TJP1: variants seen among roughly 807,000 people sequenced by gnomAD.
TJP1 encodes tight junction protein 1.
Under a neutral mutation model 194.2 loss-of-function variants are expected in TJP1, and 43 were observed. The observed-to-expected ratio is 0.22, with a 90% CI of 0.17 to 0.29. The LOEUF is 0.29. Among genes scored for constraint, TJP1 ranks in the 10% least tolerant of loss-of-function variants. The pLI, the probability that TJP1 is intolerant of heterozygous loss-of-function variation, is 1.00. For missense variants in TJP1, 1,971 were observed against 2,185.7 expected (o/e 0.90, Z 1.96); for synonymous variants, 801 against 779.0 (o/e 1.03, Z -0.47).
chr15:29,753,545 C>T (rs1057017309), intron 8 of TJP1, among the ~76,000 whole-genome samples: 5 of 130,190 alleles, frequency 3.8e-5, no homozygotes, highest in Admixed American at 1.6e-4. Flanking sequence ...ACACTGATAA[C>T]ATATATGTGA....
chr15:29,887,425 G>A (rs139695781), intron 2 of TJP1, among the ~76,000 whole-genome samples: 1,744 of 151,676 alleles, frequency 0.011, 27 homozygotes, highest in African/African-American at 0.04. Context: ...TCAGCCTCCC[G>A]AATAGCTGGG....
At chr15:29,915,178 G>A (rs1198337772) in intron 2 of TJP1, among the ~76,000 whole-genome samples, 3 of 152,154 alleles carry the variant, frequency 2.0e-5, no homozygotes, top group Non-Finnish European at 4.4e-5. Flanking sequence ...TAATACGGCT[G>A]TGGTTAACAG....
At chr15:29,807,454 AAGAT>A (rs1185531382) in intron 1 of TJP1, among the ~76,000 whole-genome samples, 1 of 152,232 alleles carries the variant, frequency 6.6e-6, no homozygotes, top group Non-Finnish European at 1.5e-5. Context: ...CTAAAGGTTG[AAGAT>A]AGATACAAAG....
intron 1 of TJP1, among the ~76,000 whole-genome samples, chr15:29,817,982 A>G (rs1274193369): frequency 6.6e-6 from 1 of 151,944 alleles, no homozygotes; most frequent in Non-Finnish European, 1.5e-5. Context: ...AAATGTGCAC[A>G]TTCTGCACAT....
intron 11 of TJP1, 73 bp from the exon 12 acceptor site, chr15:29,734,455 ACT>A (rs1163648369): frequency 2.8e-6 from 3 of 1,067,032 alleles, no homozygotes; most frequent in Non-Finnish European, 2.8e-6. Context: ...GGACACAGAT[ACT>A]CTCAGTCTAC....
At chr15:29,860,900 A>G (rs1384699383) in intron 2 of TJP1, among the ~76,000 whole-genome samples, 2 of 152,248 alleles carry the variant, frequency 1.3e-5, no homozygotes, top group Non-Finnish European at 1.5e-5. Context: ...TAAGGTATGT[A>G]CATTGTTCTT....
intron 2 of TJP1, among the ~76,000 whole-genome samples, chr15:29,910,568 A>G (rs1254630147): frequency 2.0e-5 from 3 of 152,236 alleles, no homozygotes; most frequent in African/African-American, 7.2e-5. Flanking sequence ...TATTCTTACT[A>G]TCTGAATGTA....
At chr15:29,849,027 A>T (rs1312680826) in intron 2 of TJP1, among the ~76,000 whole-genome samples, 4 of 152,216 alleles carry the variant, frequency 2.6e-5, no homozygotes, top group Non-Finnish European at 5.9e-5. Context: ...CTTCTAAATG[A>T]TAATGTAACA....
At chr15:29,889,040 T>C (rs917889487) in intron 2 of TJP1, among the ~76,000 whole-genome samples, 2 of 152,206 alleles carry the variant, frequency 1.3e-5, no homozygotes, top group Non-Finnish European at 2.9e-5. Context: ...TCTGCTCCCT[T>C]AGTTGGGTAA....
chr15:29,920,727 G>A (rs2054330776), intron 2 of TJP1, among the ~76,000 whole-genome samples: 1 of 152,172 alleles, frequency 6.6e-6, no homozygotes, highest in African/African-American at 2.4e-5. Flanking sequence ...TGCTCCTGCT[G>A]AGCAAGGGAA....
At chr15:29,861,584 G>T (rs866750246) in intron 2 of TJP1, among the ~76,000 whole-genome samples, 3 of 152,128 alleles carry the variant, frequency 2.0e-5, no homozygotes, top group Non-Finnish European at 2.9e-5. Context: ...CTATTTGTAT[G>T]TTGCCTTTGG....
intron 5 of TJP1, 117 bp downstream of exon 5, chr15:29,766,149 A>G: frequency 7.3e-7 from 1 of 1,368,894 alleles, no homozygotes; most frequent in South Asian, 1.4e-5. Flanking sequence ...TTACAGTGAT[A>G]GAACACAAAC....
chr15:29,727,987 G>A lies in TJP1; in HGVS notation c.2050C>T (p.Arg684Cys), dbSNP rs1288621536. 17 of 1,613,940 alleles carry A rather than the reference G, an allele frequency of 1.1e-5. No individual in the cohort carries two copies. Among genetic ancestry groups the A allele is most frequent in the Middle Eastern group, 1.6e-4 (1 of 6,080 alleles). The change falls in exon 16 of 28, where the codon CGT becomes TGT. Residue 684 changes from arginine to cysteine, a missense_variant. Transcript: ENST00000614355. The stretch of plus-strand genomic sequence containing the variant: ...TGCAGGCGAATAATGCCAGAGCTAC[G>A]TTGGTCAGTTCCAGCGTCTCGTGGT... ...SEPRDAGTDQ[R>C]SSGIIRLHTI...
In TJP1 at chr15:29,949,828, C is replaced by CACCACCACCTCCACA. The variant is rs1387470742; in HGVS notation, c.306+6389_306+6403dup. ...CCATCTTCACCACTGCTACCTCCAC[C>CACCACCACCTCCACA]ACCACCACCTCCACAACCACCACCT... On this transcript the variant is annotated intron_variant, in intron 2 of 28. Transcript: ENST00000356107. 3.8e-5 allele frequency among the ~76,000 whole-genome samples: 3 copies of CACCACCACCTCCACA among 79,244 alleles called. 1 individual carries two copies. In the South Asian group the frequency reaches 1.4e-3, roughly 37 times the overall value. The allele number at this position is 79,244 out of a possible 152,430, so 52.0% of individuals were successfully genotyped here. A position where few individuals can be genotyped will look rare whatever the true frequency, so the allele number is the denominator to read the frequency against.
rs374042411 is a variant in TJP1 at position 29,843,849 on chromosome 15, GC to G, written c.307-43148del. Reference sequence around the variant, plus strand: ...AGTGTGGGTGTGTGGGCTGGAAGAGGCCAGGGAGTGAGTCACATGTACATCC... The same window carrying G: ...AGTGTGGGTGTGTGGGCTGGAAGAGGCAGGGAGTGAGTCACATGTACATCC... On this transcript the variant is annotated intron_variant, in intron 2 of 28. Coordinates refer to the TJP1 transcript ENST00000356107. Among the ~76,000 whole-genome samples, 44 of 152,230 alleles carry G rather than the reference GC, an allele frequency of 2.9e-4. No individual in the cohort carries two copies. The East Asian group carries it at 8.5e-3, about 30-fold the overall frequency.
At chr15:29,705,076 C>T (rs1425333700) in intron 26 of TJP1, among the ~76,000 whole-genome samples, 1 of 152,228 alleles carries the variant, frequency 6.6e-6, no homozygotes, top group Non-Finnish European at 1.5e-5. Context: ...TTCATGCACT[C>T]TGCTGAGCAT....
intron 1 of TJP1, 66 bp downstream of exon 1, chr15:29,821,936 C>A: frequency 8.4e-7 from 1 of 1,197,314 alleles, no homozygotes; most frequent in Non-Finnish European, 1.0e-6. Flanking sequence ...GGACGCGGGC[C>A]AGATGCCGGT....
chr15:29,789,961 A>T (rs2047963122), intron 2 of TJP1, among the ~76,000 whole-genome samples: 1 of 151,892 alleles, frequency 6.6e-6, no homozygotes, highest in Non-Finnish European at 1.5e-5. Context: ...CCCAGCCCAG[A>T]CAAACTGAGT....
chr15:29,740,423 T>C (rs1021089642), intron 10 of TJP1, among the ~76,000 whole-genome samples: 1 of 151,982 alleles, frequency 6.6e-6, no homozygotes, highest in African/African-American at 2.4e-5. Flanking sequence ...CCCAGGACTT[T>C]TAGACCAGCC....
Sources: gnomAD v4.1 joint callset for allele counts (sites outside exome capture counted in the v4.1 genomes callset) on GRCh38, gnomAD v4.1.1 for gene constraint, MANE v1.5 for transcripts, NCBI Gene and HGNC (gene_info 2026-07-23, HGNC 2026-07-21) for gene names.